Variants in DNAH17 observed in about 807,000 individuals in gnomAD.
DNAH17 encodes dynein axonemal heavy chain 17, also known as axonemal beta dynein heavy chain 17.
In DNAH17, 376 loss-of-function variants were observed where a neutral mutation model predicts 485.6. The observed-to-expected ratio is 0.77, with a 90% confidence interval of 0.71 to 0.84. The LOEUF (loss-of-function observed/expected upper bound fraction) is 0.84. Ranked by LOEUF, DNAH17 falls within the 40% of genes least tolerant of loss-of-function variation. The pLI, the probability that DNAH17 is intolerant of heterozygous loss-of-function variation, is 0.00. For synonymous variants in DNAH17, 3,031 were observed against 2,405.9 expected (o/e 1.26, Z -7.60); for missense variants, 6,370 against 5,839.3 (o/e 1.09, Z -2.96).
intron 17 of DNAH17, among the ~76,000 whole-genome samples, chr17:78,541,407 G>A (rs1053198373): frequency 3.3e-5 from 5 of 150,322 alleles, no homozygotes; most frequent in African/African-American, 1.2e-4. Context: ...ATGGGTGGAT[G>A]GTTGGATGGA....
At chr17:78,505,573 T>C in intron 30 of DNAH17, 128 bp from the exon 31 acceptor site, 1 of 1,217,606 alleles carries the variant, frequency 8.2e-7, no homozygotes, top group Non-Finnish European at 1.2e-6. Context: ...TTGATCAACG[T>C]TGACTAAACA....
chr17:78,529,872 G>A (rs1195187075), intron 21 of DNAH17, among the ~76,000 whole-genome samples, 178 bp from the exon 22 acceptor site: 1 of 152,104 alleles, frequency 6.6e-6, no homozygotes, highest in Admixed American at 6.6e-5. Flanking sequence ...CTCAGCCCCT[G>A]CCCAGACATC....
At chr17:78,485,089 A>T in intron 47 of DNAH17, 56 bp from the exon 48 acceptor site, 1 of 1,525,886 alleles carries the variant, frequency 6.6e-7, no homozygotes, top group Non-Finnish European at 8.8e-7. Flanking sequence ...AGAGCCTGTT[A>T]GGTAGGGAGG....
At chr17:78,425,044 A>G in intron 80 of DNAH17, 1 of 244,592 alleles carries the variant, frequency 4.1e-6, no homozygotes, top group Non-Finnish European at 8.0e-6. Context: ...TGGGCTTTTC[A>G]GCGCTTTTCA....
At chr17:78,504,659 T>C (rs190252148) in intron 31 of DNAH17, among the ~76,000 whole-genome samples, 266 of 152,178 alleles carry the variant, frequency 1.7e-3, no homozygotes, top group African/African-American at 6.0e-3. Flanking sequence ...AGTTGGGTAA[T>C]GAGACAGGGG....
Position 78,459,828 on chromosome 17 carries a change from C to T in DNAH17, c.9609G>A (p.Lys3203=). Residue 3203 remains lysine (K), a synonymous_variant, in exon 60 of 81, where the codon AAG becomes AAA. Coordinates refer to ENST00000389840, the MANE Select transcript of DNAH17 (RefSeq NM_173628.4). ...CCTCAGGGATGTGCTCCTTGTCGAA[C>T]TTCTTCAGGGAGTCTAGGAAGGTGT... ...KVDTFLDSLK[K]FDKEHIPEAC... 1.2e-6 allele frequency: 2 copies of T among 1,614,064 alleles called. No individual in the cohort carries two copies. Among genetic ancestry groups the T allele is most frequent in the Non-Finnish European group, 1.7e-6 (2 of 1,179,892 alleles).
At chr17:78,473,463 G>C (rs1016406887) in intron 54 of DNAH17, among the ~76,000 whole-genome samples, 2 of 146,156 alleles carry the variant, frequency 1.4e-5, no homozygotes, top group African/African-American at 5.2e-5. Context: ...AGAATGGTGT[G>C]AACCCGGGAA....
At chr17:78,564,237 G>C (rs1395974687) in intron 11 of DNAH17, among the ~76,000 whole-genome samples, 1 of 152,140 alleles carries the variant, frequency 6.6e-6, no homozygotes, top group Non-Finnish European at 1.5e-5. Flanking sequence ...GTTCAGCCCA[G>C]ACCCGTACGC....
At chr17:78,472,977 C>T (rs940692053) in intron 54 of DNAH17, among the ~76,000 whole-genome samples, 11 of 152,210 alleles carry the variant, frequency 7.2e-5, no homozygotes, top group Non-Finnish European at 1.3e-4. Context: ...GCTTTTCACA[C>T]GGCACACTGT....
intron 37 of DNAH17, among the ~76,000 whole-genome samples, chr17:78,498,175 A>AT (rs1266524502): frequency 6.6e-6 from 1 of 151,356 alleles, no homozygotes; most frequent in Non-Finnish European, 1.5e-5. Flanking sequence ...AAATAAATAA[A>AT]TAAATAAATA....
At chr17:78,448,393 G>A (rs2087404143) in intron 69 of DNAH17, among the ~76,000 whole-genome samples, 2 of 152,182 alleles carry the variant, frequency 1.3e-5, no homozygotes, top group South Asian at 4.2e-4. Context: ...CTAGCATGGT[G>A]GCACATGCCT....
chr17:78,475,705 C>T lies in DNAH17; in HGVS notation c.8283G>A (p.Leu2761=), dbSNP rs1202899931. ...CTGCATTAACTTCATTGTAGCTGTC[C>T]AGGACGTCCACGAGGAGCTTGTTCA... ...APLNKLLVDV[L]DSYNEVNAVM... The change falls in exon 53 of 81, where the codon CTG becomes CTA. Residue 2761 remains leucine, a synonymous_variant. Coordinates refer to ENST00000389840, the MANE Select transcript of DNAH17 (RefSeq NM_173628.4). 2 of 1,613,850 alleles carry T rather than the reference C, an allele frequency of 1.2e-6. No homozygotes were observed. The highest frequency in any genetic ancestry group is 4.5e-5 in the East Asian group (2 of 44,884).
At position 78,485,965 on chromosome 17, in the gene DNAH17, G is replaced by A; in HGVS notation, c.7270C>T (p.Leu2424=). 1 of 1,611,864 alleles carries A rather than the reference G, an allele frequency of 6.2e-7. No individual in the cohort carries two copies. Among genetic ancestry groups the A allele is most frequent in the East Asian group, 2.2e-5 (1 of 44,882 alleles). ...CCTGCTTTGGGGACAGTTACCTGCA[G>A]TGGGACATCGGGATCCAGCTCAAAG... The part of the protein sequence containing the change: ...PSFELDPDVP[L]QASLVHTTET... The change falls in exon 46 of 81, where the codon CTG becomes TTG. Residue 2424 remains leucine, a synonymous_variant. Transcript: ENST00000389840.
chr17:78,547,448 A>T (rs1203331249), intron 16 of DNAH17, among the ~76,000 whole-genome samples: 1 of 152,118 alleles, frequency 6.6e-6, no homozygotes, highest in East Asian at 1.9e-4. Context: ...AAACATGCAG[A>T]ATATTGTTCT....
intron 48 of DNAH17, among the ~76,000 whole-genome samples, chr17:78,483,485 G>T (rs188509736): frequency 3.9e-5 from 6 of 152,020 alleles, no homozygotes; most frequent in East Asian, 3.9e-4. Flanking sequence ...CAAAAATTAG[G>T]TGGGCATGGT....
chr17:78,431,701 CTG>C (rs2086681908), intron 75 of DNAH17, among the ~76,000 whole-genome samples: 1 of 151,914 alleles, frequency 6.6e-6, no homozygotes, highest in Non-Finnish European at 1.5e-5. Context: ...GGTGGGGAGT[CTG>C]TGGAGGGGGA....
intron 71 of DNAH17, among the ~76,000 whole-genome samples, chr17:78,443,311 C>T (rs544437660): frequency 6.6e-6 from 1 of 152,196 alleles, no homozygotes; most frequent in Non-Finnish European, 1.5e-5. Flanking sequence ...GGCCGAGGGA[C>T]CTTTACCTTG....
intron 26 of DNAH17, among the ~76,000 whole-genome samples, chr17:78,514,287 A>G (rs1479621485): frequency 1.3e-5 from 2 of 152,036 alleles, no homozygotes; most frequent in Non-Finnish European, 2.9e-5. Flanking sequence ...CAGGCGGATC[A>G]TGAGGTCAGG....
At chr17:78,488,727 G>T (rs2089720249) in intron 44 of DNAH17, among the ~76,000 whole-genome samples, 1 of 152,202 alleles carries the variant, frequency 6.6e-6, no homozygotes, top group Admixed American at 6.5e-5. Context: ...AGGATCTTGA[G>T]ACAAGATCAT....
Sources: allele counts gnomAD v4.1 joint callset (sites outside exome capture counted in the v4.1 genomes callset), GRCh38; gene constraint gnomAD v4.1.1; transcripts MANE v1.5; gene names NCBI Gene and HGNC (gene_info 2026-07-23, HGNC 2026-07-21).